The following TENM2 variants were observed in gnomAD, a reference collection of about 807,000 sequenced individuals.
TENM2 encodes the protein teneurin-2.
Under a neutral mutation model 245.2 loss-of-function variants are expected in TENM2, and 52 were observed. The observed-to-expected ratio is 0.21, with a 90% CI of 0.17 to 0.27. TENM2 has a LOEUF of 0.27. Ranked by LOEUF, TENM2 falls within the 10% of genes least tolerant of loss-of-function variation. The pLI, the probability that TENM2 is intolerant of heterozygous loss-of-function variation, is 1.00. For missense variants in TENM2, 3,046 were observed against 3,666.8 expected (o/e 0.83, Z 4.37); for synonymous variants, 1,363 against 1,438.9 (o/e 0.95, Z 1.19).
chr5:167,393,554 G>A (rs1276951900), intron 2 of TENM2, among the ~76,000 whole-genome samples: 2 of 152,182 alleles, frequency 1.3e-5, no homozygotes, highest in Non-Finnish European at 1.5e-5. Flanking sequence ...GCAGCAGAAT[G>A]CAAATTGGGC....
chr5:167,266,558 A>C, the TENM2 span, among the ~76,000 whole-genome samples: 1 of 152,230 alleles, frequency 6.6e-6, no homozygotes, highest in East Asian at 1.9e-4. Flanking sequence ...ATCTGGATTT[A>C]AAGCCTGATA....
At chr5:167,367,502 G>T (rs1232515821) in intron 1 of TENM2, among the ~76,000 whole-genome samples, 1 of 152,088 alleles carries the variant, frequency 6.6e-6, no homozygotes, top group African/African-American at 2.4e-5. Context: ...TGTAAAAACA[G>T]ATGAACTTTA....
intron 14 of TENM2, among the ~76,000 whole-genome samples, chr5:168,191,116 A>G (rs1760917055): frequency 6.6e-6 from 1 of 152,206 alleles, no homozygotes; most frequent in Admixed American, 6.5e-5. Context: ...CATGCAAGCC[A>G]TTGTGCCACT....
chr5:167,110,988 T>C, the TENM2 span, among the ~76,000 whole-genome samples: 5 of 152,132 alleles, frequency 3.3e-5, no homozygotes, highest in African/African-American at 1.2e-4. Flanking sequence ...GAGTTCTCTC[T>C]CTCTCTTTTT....
At chr5:168,169,829 T>C (rs147358486) in intron 13 of TENM2, among the ~76,000 whole-genome samples, 2 of 152,304 alleles carry the variant, frequency 1.3e-5, no homozygotes, top group African/African-American at 4.8e-5. Flanking sequence ...AAAAATACAA[T>C]ATTGAGCTAT....
chr5:168,216,981 T>C (rs760448087), intron 22 of TENM2, 59 bp downstream of exon 24: 25 of 1,580,924 alleles, frequency 1.6e-5, no homozygotes, highest in Non-Finnish European at 2.2e-5. Context: ...CCTGAGGTTC[T>C]TACCTGTTTC....
At chr5:168,084,632 A>G (rs1792289127) in intron 7 of TENM2, among the ~76,000 whole-genome samples, 1 of 152,204 alleles carries the variant, frequency 6.6e-6, no homozygotes. Context: ...AGGCTGGTGC[A>G]AAGGCCCTAT....
chr5:168,246,658 T>C (rs1562330769), intron 26 of TENM2, 99 bp from the exon 29 acceptor site: 8 of 1,195,412 alleles, frequency 6.7e-6, no homozygotes, highest in Non-Finnish European at 9.6e-6. Context: ...TTCATGACTT[T>C]TGAGTTGACA....
In TENM2 at chr5:167,491,557, C is replaced by T. The variant is rs137944181; in HGVS notation, c.502+116084C>T. Among the ~76,000 whole-genome samples the T allele has an allele frequency of 3.8e-3, 584 of 152,274 alleles. 3 individuals are homozygous for T. Among genetic ancestry groups the T allele is most frequent in the Admixed American group, 8.6e-3 (131 of 15,278 alleles). On this transcript the variant is annotated intron_variant, in intron 2 of 28. Coordinates refer to ENST00000518659, the Ensembl canonical transcript of TENM2. ...CTGTCCACAGTACATTTCACAAACACATTGGAAAATTTTTGAGGCTTTCAC... is the reference window on the plus strand; with the variant it reads ...CTGTCCACAGTACATTTCACAAACATATTGGAAAATTTTTGAGGCTTTCAC...
chr5:168,209,631 G>A (rs1762637756), intron 19 of TENM2, among the ~76,000 whole-genome samples: 2 of 152,068 alleles, frequency 1.3e-5, no homozygotes, highest in African/African-American at 4.8e-5. Flanking sequence ...GAGTTGGAAT[G>A]AAAAAAGACA....
At chr5:168,116,825 A>C (rs2617972) in intron 9 of TENM2, among the ~76,000 whole-genome samples, 129,643 of 152,114 alleles carry the variant, frequency 0.85, 55,587 homozygotes, top group East Asian at 0.97. Context: ...GCCATCGCTG[A>C]GTGGCACAGG....
intron 2 of TENM2, among the ~76,000 whole-genome samples, chr5:167,656,608 G>A (rs1317497351): frequency 6.6e-6 from 1 of 151,990 alleles, no homozygotes; most frequent in Admixed American, 6.6e-5. Context: ...TAAGTCTGAA[G>A]CATAAAACTT....
chr5:167,626,630 T>A (rs1315831015), intron 2 of TENM2, among the ~76,000 whole-genome samples: 3 of 152,198 alleles, frequency 2.0e-5, no homozygotes, highest in Non-Finnish European at 4.4e-5. Context: ...TGTGCTTTTT[T>A]AAGTTCGGGG....
chr5:167,307,469 T>C (rs1002977010), intron 1 of TENM2, among the ~76,000 whole-genome samples: 1 of 151,948 alleles, frequency 6.6e-6, no homozygotes, highest in East Asian at 1.9e-4. Flanking sequence ...AGGATGAGGG[T>C]ATGGAAACTC....
At chr5:167,857,227 A>T (rs1771173033) in intron 2 of TENM2, among the ~76,000 whole-genome samples, 1 of 152,218 alleles carries the variant, frequency 6.6e-6, no homozygotes, top group Admixed American at 6.5e-5. Flanking sequence ...ATCAAGCTGA[A>T]TGTGGCTCTT....
At chr5:167,159,657 A>G in the TENM2 span, among the ~76,000 whole-genome samples, 1 of 152,208 alleles carries the variant, frequency 6.6e-6, no homozygotes, top group African/African-American at 2.4e-5. Flanking sequence ...AATAAAGGCA[A>G]AGTGTCCAAA....
chr5:167,325,955 G>T (rs76942496), intron 1 of TENM2, among the ~76,000 whole-genome samples: 2 of 152,148 alleles, frequency 1.3e-5, no homozygotes, highest in African/African-American at 4.8e-5. Context: ...GAGTAACTTT[G>T]GAGAGAGATA....
At chr5:167,191,972 C>T in the TENM2 span, among the ~76,000 whole-genome samples, 1 of 152,018 alleles carries the variant, frequency 6.6e-6, no homozygotes, top group Admixed American at 6.6e-5. Context: ...TAGCAACTTC[C>T]GTACATGACT....
intron 2 of TENM2, among the ~76,000 whole-genome samples, chr5:167,601,834 G>A (rs955605971): frequency 2.6e-5 from 4 of 151,940 alleles, no homozygotes; most frequent in South Asian, 2.1e-4. Flanking sequence ...CATTTTCCCC[G>A]GAGTTGTATT....
Sources: allele counts gnomAD v4.1 joint callset (sites outside exome capture counted in the v4.1 genomes callset), GRCh38; gene constraint gnomAD v4.1.1; transcripts MANE v1.5; gene names NCBI Gene and HGNC (gene_info 2026-07-23, HGNC 2026-07-21).